FHIT: variants seen among roughly 807,000 people sequenced by gnomAD.
FHIT encodes bis(5'-adenosyl)-triphosphatase.
Under a neutral mutation model 17.9 loss-of-function variants are expected in FHIT, and 19 were observed. That is an observed-to-expected ratio of 1.06 (90% CI 0.74 to 1.56). The LOEUF is 1.56. Among genes scored for constraint, FHIT ranks in the 40% most tolerant of loss-of-function variants. The probability of loss-of-function intolerance (pLI) is 0.00; values close to 1 mark genes in which losing one functional copy is unlikely to be tolerated. For synonymous variants in FHIT, 81 were observed against 69.7 expected, an observed-to-expected ratio of 1.16 and a Z score of -0.81; for missense variants, 248 against 189.2, an observed-to-expected ratio of 1.31 and a Z score of -1.82.
chr3:60,797,892 AAT>A (rs1701041456), intron 4 of FHIT, among the ~76,000 whole-genome samples: 1 of 152,114 alleles, frequency 6.6e-6, no homozygotes. Context: ...TTGTGCAAGA[AAT>A]ATGACTTTCT....
chr3:60,619,985 A>G (rs1010140547), intron 4 of FHIT, among the ~76,000 whole-genome samples: 20 of 152,216 alleles, frequency 1.3e-4, no homozygotes, highest in African/African-American at 4.3e-4. Flanking sequence ...AAATAATTTA[A>G]AAATGGGCAA....
intron 2 of FHIT, among the ~76,000 whole-genome samples, chr3:61,149,143 T>C (rs562362593): frequency 6.6e-6 from 1 of 152,216 alleles, no homozygotes; most frequent in Non-Finnish European, 1.5e-5. Flanking sequence ...TGAAAGGTCA[T>C]CACCAGTCAC....
chr3:60,862,923 G>T (rs2594117), intron 3 of FHIT, among the ~76,000 whole-genome samples: 1 of 151,780 alleles, frequency 6.6e-6, no homozygotes, highest in Non-Finnish European at 1.5e-5. Context: ...GCCATGAAGA[G>T]ACTTAGCAGA....
intron 2 of FHIT, among the ~76,000 whole-genome samples, chr3:61,061,489 C>A (rs1251098799): frequency 6.6e-6 from 1 of 151,398 alleles, no homozygotes; most frequent in Non-Finnish European, 1.5e-5. Context: ...ATTTTTAATT[C>A]TATTTTATTT....
chr3:59,926,463 T>C (rs1237275434), intron 7 of FHIT, among the ~76,000 whole-genome samples: 2 of 152,154 alleles, frequency 1.3e-5, no homozygotes, highest in African/African-American at 4.8e-5. Flanking sequence ...TAATTTTGGA[T>C]AGAAATAAGT....
chr3:60,212,621 T>C (rs1200144723), intron 5 of FHIT, among the ~76,000 whole-genome samples: 1 of 152,002 alleles, frequency 6.6e-6, no homozygotes, highest in Non-Finnish European at 1.5e-5. Context: ...AGCACTAAAA[T>C]AACAATCTAA....
intron 5 of FHIT, among the ~76,000 whole-genome samples, chr3:60,442,035 C>T (rs2030929577): frequency 6.6e-6 from 1 of 150,400 alleles, no homozygotes; most frequent in African/African-American, 2.4e-5. Context: ...ATTTTTTTAA[C>T]TTATTGTAGA....
At chr3:61,209,565 T>A (rs796217146) in intron 1 of FHIT, among the ~76,000 whole-genome samples, 3 of 152,046 alleles carry the variant, frequency 2.0e-5, no homozygotes, top group African/African-American at 7.2e-5. Flanking sequence ...ATTTCATTCG[T>A]CTTCCATCAT....
intron 5 of FHIT, among the ~76,000 whole-genome samples, chr3:60,077,053 AG>A (rs1043081864): frequency 5.5e-5 from 7 of 126,686 alleles, no homozygotes; most frequent in East Asian, 4.0e-4. Flanking sequence ...GATAAAACTT[AG>A]TAGACAGAAA....
intron 5 of FHIT, chr3:60,077,274 T>C (rs1477108666): frequency 2.0e-5 from 3 of 151,992 alleles, no homozygotes. Flanking sequence ...ATAGTATGTG[T>C]ATAAGTACAC....
At chr3:60,722,707 CTTTT>C (rs1157024624) in intron 4 of FHIT, among the ~76,000 whole-genome samples, 2 of 104,944 alleles carry the variant, frequency 1.9e-5, no homozygotes, top group Admixed American at 9.9e-5. Context: ...TACCTTAAAT[CTTTT>C]TTTTTTTTTT....
intron 5 of FHIT, among the ~76,000 whole-genome samples, chr3:60,447,212 AG>A (rs1458556115): frequency 6.6e-6 from 1 of 152,110 alleles, no homozygotes; most frequent in Non-Finnish European, 1.5e-5. Flanking sequence ...TCTTCAAATT[AG>A]GTTTACATGT....
chr3:60,559,058 G>A (rs778737492), intron 4 of FHIT, among the ~76,000 whole-genome samples: 3 of 152,080 alleles, frequency 2.0e-5, no homozygotes, highest in Non-Finnish European at 4.4e-5. Context: ...TCTAAAGACC[G>A]CATTTTTCTC....
intron 4 of FHIT, among the ~76,000 whole-genome samples, chr3:60,544,658 A>T (rs1176611613): frequency 7.3e-6 from 1 of 136,170 alleles, no homozygotes; most frequent in Non-Finnish European, 1.5e-5. Flanking sequence ...ACACAGTGGC[A>T]CGATCTGGGC....
At chr3:60,338,874 A>G (rs1000911058) in intron 5 of FHIT, among the ~76,000 whole-genome samples, 1 of 152,148 alleles carries the variant, frequency 6.6e-6, no homozygotes, top group African/African-American at 2.4e-5. Flanking sequence ...TGGGGAATGG[A>G]AAGAATCAGA....
At chr3:60,520,893 A>T (rs1367626750) in intron 5 of FHIT, among the ~76,000 whole-genome samples, 1 of 152,110 alleles carries the variant, frequency 6.6e-6, no homozygotes, top group African/African-American at 2.4e-5. Flanking sequence ...CCAAGTACCA[A>T]AAACAGTAGA....
chr3:61,213,239 G>T (rs1457814567), intron 1 of FHIT, among the ~76,000 whole-genome samples: 1 of 152,204 alleles, frequency 6.6e-6, no homozygotes, highest in Admixed American at 6.5e-5. Flanking sequence ...AGACCCATCA[G>T]TGTGCTGTAT....
At chr3:59,772,417 T>A (rs1453727219) in intron 8 of FHIT, among the ~76,000 whole-genome samples, 1 of 145,800 alleles carries the variant, frequency 6.9e-6, no homozygotes, top group Admixed American at 6.8e-5. Flanking sequence ...CAGTGAACAC[T>A]GACTGTGTGC....
chr3:60,453,527 T>C (rs1576680547), intron 5 of FHIT, among the ~76,000 whole-genome samples: 1 of 152,088 alleles, frequency 6.6e-6, no homozygotes, highest in East Asian at 1.9e-4. Flanking sequence ...ACGAGGAAAA[T>C]GAAAATCAAC....
Sources: allele counts gnomAD v4.1 joint callset (sites outside exome capture counted in the v4.1 genomes callset), GRCh38; gene constraint gnomAD v4.1.1; transcripts MANE v1.5; gene names NCBI Gene and HGNC (gene_info 2026-07-23, HGNC 2026-07-21).